MYRIP: variants seen among roughly 807,000 people sequenced by gnomAD.
MYRIP encodes the protein myosin VIIA and Rab interacting protein.
Under a neutral mutation model 98.0 loss-of-function variants are expected in MYRIP, and 49 were observed. That is an observed-to-expected ratio of 0.50 (90% CI 0.40 to 0.63). The LOEUF (loss-of-function observed/expected upper bound fraction) is 0.63, where lower values mean the gene tolerates loss of function less well. Ranked by LOEUF, MYRIP falls within the 30% of genes least tolerant of loss-of-function variation. MYRIP has a pLI of 0.00. For synonymous variants in MYRIP, 404 were observed against 409.5 expected (o/e 0.99, Z 0.16); for missense variants, 1,004 against 1,058.2 (o/e 0.95, Z 0.71).
rs528890053 is a variant in MYRIP at position 40,013,564 on chromosome 3, C to G, written c.111-30486C>G. The stretch of plus-strand genomic sequence containing the variant: ...CTCTGTTGTTTTCTGTGGCATCTCA[C>G]CAACTATGGGAAGTGGTCTGCTGTG... On this transcript the variant is annotated intron_variant, in intron 2 of 16. Transcript: ENST00000302541. 7.4e-4 allele frequency among the ~76,000 whole-genome samples: 112 copies of G among 152,334 alleles called. 1 individual carries two copies. In the South Asian group the frequency reaches 0.011, roughly 15 times the overall value.
At chr3:40,101,588 T>C (rs950047546) in intron 3 of MYRIP, among the ~76,000 whole-genome samples, 1 of 152,286 alleles carries the variant, frequency 6.6e-6, no homozygotes. Context: ...TCTTTTTTCT[T>C]CTTTTTTCCT....
chr3:39,809,092 AGG>A (rs1940567372), upstream of MYRIP: 1 of 152,418 alleles, frequency 6.6e-6, no homozygotes, highest in East Asian at 1.9e-4. Flanking sequence ...TTAATTACCC[AGG>A]GACTGTGAAG....
At chr3:40,125,817 C>G (rs1371239203) in intron 3 of MYRIP, among the ~76,000 whole-genome samples, 2 of 152,174 alleles carry the variant, frequency 1.3e-5, no homozygotes, top group Non-Finnish European at 2.9e-5. Context: ...GCATCTCACC[C>G]TTAGCAAGAT....
intron 1 of MYRIP, among the ~76,000 whole-genome samples, chr3:39,894,421 C>T (rs758234313): frequency 6.6e-6 from 1 of 152,142 alleles, no homozygotes; most frequent in Non-Finnish European, 1.5e-5. Flanking sequence ...TACAATATAC[C>T]TATACCGTTA....
At chr3:40,155,787 C>T (rs1446719084) in intron 4 of MYRIP, among the ~76,000 whole-genome samples, 1 of 152,092 alleles carries the variant, frequency 6.6e-6, no homozygotes, top group African/African-American at 2.4e-5. Context: ...GCATAAATGT[C>T]TTCTTTTGAG....
intron 3 of MYRIP, among the ~76,000 whole-genome samples, chr3:40,137,543 C>T (rs1296591719): frequency 1.3e-5 from 2 of 152,204 alleles, no homozygotes; most frequent in African/African-American, 4.8e-5. Flanking sequence ...ATGAGGCCAG[C>T]ATCATCCTGA....
Position 40,023,567 on chromosome 3 carries a change from G to C in MYRIP, c.111-20483G>C, listed in dbSNP as rs540388333. 3.9e-5 allele frequency among the ~76,000 whole-genome samples: 6 copies of C among 152,234 alleles called. No individual in the cohort carries two copies. The East Asian group carries it at 1.2e-3, about 29-fold the overall frequency. On this transcript the variant is annotated intron_variant, in intron 2 of 16. Coordinates refer to ENST00000302541, the MANE Select transcript of MYRIP (RefSeq NM_015460.4). The stretch of plus-strand genomic sequence containing the variant: ...GACCCCCACTGCAAGAAGGAACCAA[G>C]CCACATTCACCCACAGTCTCCTGCC...
At chr3:40,151,629 A>G (rs1395382717) in intron 4 of MYRIP, among the ~76,000 whole-genome samples, 1 of 152,148 alleles carries the variant, frequency 6.6e-6, no homozygotes, top group African/African-American at 2.4e-5. Context: ...ATGTAGTGGG[A>G]GAGTTAGAAA....
At chr3:39,870,686 A>T (rs1942762094) in intron 1 of MYRIP, among the ~76,000 whole-genome samples, 1 of 152,194 alleles carries the variant, frequency 6.6e-6, no homozygotes, top group Non-Finnish European at 1.5e-5. Context: ...AAATTTCTAG[A>T]TTAAAAAATA....
At chr3:40,072,256 T>C (rs1948247331) in intron 3 of MYRIP, among the ~76,000 whole-genome samples, 1 of 152,192 alleles carries the variant, frequency 6.6e-6, no homozygotes, top group Non-Finnish European at 1.5e-5. Context: ...TCACCCAGGC[T>C]GGAGTGCAGT....
chr3:40,005,543 T>A (rs1385597300), intron 2 of MYRIP, among the ~76,000 whole-genome samples: 1 of 152,172 alleles, frequency 6.6e-6, no homozygotes, highest in Non-Finnish European at 1.5e-5. Context: ...ATAATACAGA[T>A]GAAAGTATTG....
At position 39,881,159 on chromosome 3, in the gene MYRIP, A is replaced by T. The variant is rs555076606; in HGVS notation, c.-30-19628A>T. On this transcript the variant is annotated intron_variant, in intron 1 of 16. Coordinates refer to ENST00000302541, the MANE Select transcript of MYRIP (RefSeq NM_015460.4). ...ATGGATAAAATCAGTATCTTCTGAC[A>T]TACCTAGATATCATAGGATTGTTTT... Among the ~76,000 whole-genome samples, 8 of 152,174 alleles carry T rather than the reference A, an allele frequency of 5.3e-5. 1 individual carries two copies. The South Asian group carries it at 1.5e-3, about 28-fold the overall frequency.
At chr3:40,208,477 C>G (rs1951839562) in intron 10 of MYRIP, among the ~76,000 whole-genome samples, 1 of 152,192 alleles carries the variant, frequency 6.6e-6, no homozygotes, top group Non-Finnish European at 1.5e-5. Context: ...GTCACACTCT[C>G]TATGTCTTCC....
rs1953697279 is a variant in MYRIP, at chr3:40,259,275, T to C, written c.*1109T>C. On this transcript the variant is annotated 3_prime_UTR_variant, in exon 17 of 17. Coordinates refer to ENST00000302541, the MANE Select transcript of MYRIP (RefSeq NM_015460.4). ...CAAATGTATGACTATTTAGAGTGTT[T>C]ATAAGAGATAATGGAACTGAACTTT... The C allele has an allele frequency of 6.6e-6, 1 of 152,236 alleles. No homozygotes were observed. The highest frequency in any genetic ancestry group is 1.5e-5 in the Non-Finnish European group (1 of 68,032). The allele number at this position is 152,236 out of a possible 1,614,324, so 9.4% of individuals were successfully genotyped here.
chr3:39,926,204 G>A (rs556291392), intron 2 of MYRIP, among the ~76,000 whole-genome samples: 3 of 151,962 alleles, frequency 2.0e-5, no homozygotes, highest in Non-Finnish European at 4.4e-5. Flanking sequence ...TTGTTGAATT[G>A]TTTAAGTTCC....
At chr3:40,113,712 CAG>C (rs761785759) in intron 3 of MYRIP, among the ~76,000 whole-genome samples, 15 of 151,972 alleles carry the variant, frequency 9.9e-5, no homozygotes, top group Non-Finnish European at 2.1e-4. Context: ...TTTTTTGAGA[CAG>C]AGTCTCGCTC....
rs142201098 is a variant in MYRIP, at chr3:39,967,256, C to T, written c.110+66330C>T. 3.0e-3 allele frequency among the ~76,000 whole-genome samples: 454 copies of T among 152,256 alleles called. 2 individuals carry two copies. Among genetic ancestry groups the T allele is most frequent in the African/African-American group, 0.01 (436 of 41,562 alleles). ...TCTCCCTCTTCTCATCCTCCCTGCT[C>T]AAGTAGATCCCAGTGTCTGTTGTTT... is the stretch of plus-strand genomic sequence containing the variant. On this transcript the variant is annotated intron_variant, in intron 2 of 16. Transcript: ENST00000302541.
At chr3:39,845,492 T>C (rs1320159142) in intron 1 of MYRIP, among the ~76,000 whole-genome samples, 1 of 152,206 alleles carries the variant, frequency 6.6e-6, no homozygotes, top group Non-Finnish European at 1.5e-5. Flanking sequence ...TATTTAGGTA[T>C]AGAATGTATC....
At chr3:40,184,767 A>G (rs1170782222) in intron 9 of MYRIP, among the ~76,000 whole-genome samples, 1 of 152,242 alleles carries the variant, frequency 6.6e-6, no homozygotes, top group South Asian at 2.1e-4. Context: ...GATTTTGTAC[A>G]TAATTTTCTG....
Sources: gnomAD v4.1 joint callset for allele counts (sites outside exome capture counted in the v4.1 genomes callset) on GRCh38, gnomAD v4.1.1 for gene constraint, MANE v1.5 for transcripts, NCBI Gene and HGNC (gene_info 2026-07-23, HGNC 2026-07-21) for gene names.